The following ANKFN1 variants were observed in gnomAD, a reference collection of about 807,000 sequenced individuals.
The protein encoded by ANKFN1 is ankyrin repeat and fibronectin type III domain containing 1.
Under a neutral mutation model 108.7 loss-of-function variants are expected in ANKFN1, and 74 were observed. That is an observed-to-expected ratio of 0.68 (90% CI 0.56 to 0.83). ANKFN1 has a LOEUF of 0.83. ANKFN1 is among the 40% of genes least tolerant of loss of function. The pLI is 0.00. For synonymous variants in ANKFN1, 547 were observed against 516.2 expected, an observed-to-expected ratio of 1.06 and a Z score of -0.81; for missense variants, 1,505 against 1,382.3, an observed-to-expected ratio of 1.09 and a Z score of -1.41.
intron 8 of ANKFN1, among the ~76,000 whole-genome samples, chr17:56,421,907 C>G (rs1386513724): frequency 6.6e-6 from 1 of 152,114 alleles, no homozygotes; most frequent in Non-Finnish European, 1.5e-5. Context: ...GGGACACGAG[C>G]TAAGGGGGGA....
intron 3 of ANKFN1, among the ~76,000 whole-genome samples, chr17:56,264,554 T>C (rs2043600169): frequency 1.3e-5 from 2 of 152,232 alleles, no homozygotes; most frequent in Non-Finnish European, 2.9e-5. Context: ...CCCACACATA[T>C]CTCATGTTCC....
chr17:56,404,719 G>T (rs911333653), intron 8 of ANKFN1, among the ~76,000 whole-genome samples: 50 of 152,072 alleles, frequency 3.3e-4, no homozygotes, highest in African/African-American at 1.2e-3. Flanking sequence ...TGATTTTGGG[G>T]GGTATGGAAG....
At chr17:56,436,581 T>C (rs1459115700) in intron 8 of ANKFN1, among the ~76,000 whole-genome samples, 2 of 152,096 alleles carry the variant, frequency 1.3e-5, no homozygotes, top group Non-Finnish European at 2.9e-5. Flanking sequence ...CCCAACATTT[T>C]GGGAGGCTGA....
intron 4 of ANKFN1, among the ~76,000 whole-genome samples, chr17:56,331,351 C>T (rs978811341): frequency 5.3e-5 from 8 of 152,174 alleles, no homozygotes; most frequent in African/African-American, 1.9e-4. Context: ...TATCTGTCTA[C>T]CCACCTGTCA....
intron 3 of ANKFN1, among the ~76,000 whole-genome samples, chr17:56,270,899 A>G (rs994488462): frequency 2.0e-5 from 3 of 152,144 alleles, no homozygotes; most frequent in African/African-American, 7.2e-5. Flanking sequence ...CACTCCAGCT[A>G]TAGTAGTACC....
At chr17:56,221,084 A>C (rs1915864394) in intron 2 of ANKFN1, among the ~76,000 whole-genome samples, 1 of 152,184 alleles carries the variant, frequency 6.6e-6, no homozygotes, top group Non-Finnish European at 1.5e-5. Context: ...CAGAAGGTGA[A>C]GGGGGAAGCA....
At chr17:56,392,986 A>G (rs9890412) in intron 8 of ANKFN1, among the ~76,000 whole-genome samples, 3,194 of 152,206 alleles carry the variant, frequency 0.021, 115 homozygotes, top group African/African-American at 0.071. Context: ...AGCTCTTCTA[A>G]TATTTGAAAA....
chr17:56,301,086 A>G (rs943357954), intron 3 of ANKFN1, among the ~76,000 whole-genome samples: 1 of 152,212 alleles, frequency 6.6e-6, no homozygotes, highest in Non-Finnish European at 1.5e-5. Context: ...GGTGAAGATG[A>G]CATTCCTCCA....
chr17:56,104,467 A>C (rs1209741553), intron 4 of ANKFN1, among the ~76,000 whole-genome samples: 1 of 152,218 alleles, frequency 6.6e-6, no homozygotes, highest in African/African-American at 2.4e-5. Flanking sequence ...CCTAGGTCCC[A>C]TCAGGGTTTT....
chr17:56,157,090 G>C (rs1203160989), intron 1 of ANKFN1, among the ~76,000 whole-genome samples: 1 of 152,174 alleles, frequency 6.6e-6, no homozygotes, highest in Non-Finnish European at 1.5e-5. Context: ...TTCTTTTGAG[G>C]AGAGCACTGT....
chr17:56,230,891 G>C (rs781559808), intron 3 of ANKFN1, among the ~76,000 whole-genome samples: 7 of 152,054 alleles, frequency 4.6e-5, no homozygotes, highest in Non-Finnish European at 1.0e-4. Context: ...CATTGGTGGG[G>C]GTGAGGTGGG....
chr17:56,462,565 G>A (rs1249002408), intron 14 of ANKFN1, among the ~76,000 whole-genome samples: 1 of 152,158 alleles, frequency 6.6e-6, no homozygotes. Context: ...TTGCACTCCA[G>A]CCTGGGCAAC....
intron 1 of ANKFN1, among the ~76,000 whole-genome samples, chr17:56,199,113 T>C: frequency 6.6e-6 from 1 of 152,132 alleles, no homozygotes; most frequent in East Asian, 1.9e-4. Context: ...ATGGCCCCCA[T>C]CTTTTCATCT....
At chr17:56,077,749 G>A (rs970203624) in intron 4 of ANKFN1, among the ~76,000 whole-genome samples, 1 of 151,986 alleles carries the variant, frequency 6.6e-6, no homozygotes, top group South Asian at 2.1e-4. Context: ...AATGACAGAT[G>A]TGCTTTCTCT....
At chr17:56,238,404 G>A (rs554754359) in intron 3 of ANKFN1, among the ~76,000 whole-genome samples, 111 of 152,198 alleles carry the variant, frequency 7.3e-4, no homozygotes, top group African/African-American at 2.2e-3. Flanking sequence ...TATTGTGTGC[G>A]AATCTAAGTC....
rs370040478 is a variant in ANKFN1 at position 56,456,887 on chromosome 17, C to A, written c.1234C>A (p.Arg412Ser). The stretch of plus-strand genomic sequence containing the variant: ...AAGCACAAAATTACAAACCACAGGC[C>A]GCAAGCAGTCAGTCTCAAGAAGCCT... The part of the protein sequence containing the change: ...RESTKLQTTG[R>S]KQSVSRSLKH... The change falls in exon 12 of 21, where the codon CGC becomes AGC. Residue 412 changes from arginine to serine, a missense_variant. Transcript: ENST00000682825. The A allele has an allele frequency of 1.9e-6, 3 of 1,614,008 alleles. No homozygotes were observed. The Admixed American group carries it at 5.0e-5, about 27-fold the overall frequency.
chr17:56,077,987 C>T lies in ANKFN1; in HGVS notation c.288+31662C>T, dbSNP rs755083543. Among the ~76,000 whole-genome samples the T allele has an allele frequency of 4.6e-5, 7 of 152,260 alleles. No homozygotes were observed. In the South Asian group the frequency reaches 6.2e-4, roughly 14 times the overall value. ...GAGAAATTTTAGATTGTATTCTAGT[C>T]ATTGTGTTGGTATGCCGTGGAGATT... is the stretch of plus-strand genomic sequence containing the variant. On this transcript the variant is annotated intron_variant, in intron 4 of 12. Transcript: ENST00000635860.
intron 3 of ANKFN1, among the ~76,000 whole-genome samples, chr17:56,263,833 T>C (rs2043581048): frequency 6.6e-6 from 1 of 152,220 alleles, no homozygotes; most frequent in African/African-American, 2.4e-5. Flanking sequence ...GTCCCCCTGA[T>C]ACCTGCTGTT....
intron 4 of ANKFN1, among the ~76,000 whole-genome samples, chr17:56,134,730 A>G (rs1907495734): frequency 6.6e-6 from 1 of 152,204 alleles, no homozygotes; most frequent in Admixed American, 6.5e-5. Context: ...TAAGGATGGC[A>G]TAGCTATCCA....
Sources: gnomAD v4.1 joint callset for allele counts (sites outside exome capture counted in the v4.1 genomes callset) on GRCh38, gnomAD v4.1.1 for gene constraint, MANE v1.5 for transcripts, NCBI Gene and HGNC (gene_info 2026-07-23, HGNC 2026-07-21) for gene names.